Variants in PROK1 observed in about 807,000 individuals in gnomAD.
The protein encoded by PROK1 is prokineticin-1.
Under a neutral mutation model 8.8 loss-of-function variants are expected in PROK1, and 10 were observed. That is an observed-to-expected ratio of 1.13 (90% confidence interval 0.70 to 1.92). The LOEUF is 1.92. PROK1 is among the 30% of genes most tolerant of loss of function. The pLI, the probability that PROK1 is intolerant of heterozygous loss-of-function variation, is 0.00. For synonymous variants in PROK1, 57 were observed against 56.0 expected, an observed-to-expected ratio of 1.02 and a Z score of -0.08; for missense variants, 140 against 139.7, an observed-to-expected ratio of 1.00 and a Z score of -0.01.
Position 110,451,263 on chromosome 1 carries a change from T to C in PROK1, c.47T>C (p.Val16Ala), listed in dbSNP as rs1664085742. 6.2e-7 allele frequency: 1 copy of C among 1,614,070 alleles called. No homozygotes were observed. The highest frequency in any genetic ancestry group is 1.1e-5 in the South Asian group (1 of 91,086). The change falls in exon 1 of 3, where the codon GTG (valine) becomes GCG (alanine). Residue 16 changes from valine (V) to alanine (A), a missense_variant. Physicochemically the swap from Val to Ala is moderately conservative, Grantham distance 64. Coordinates refer to ENST00000271331, the MANE Select transcript of PROK1 (RefSeq NM_032414.3). The stretch of plus-strand genomic sequence containing the variant: ...TCAATCATGCTCCTCCTAGTAACTG[T>C]GTCTGACTGTGCTGTGATCACAGGG... ...RVSIMLLLVT[V>A]SDCAVITGAC...
chr1:110,454,030 C>T lies in PROK1; in HGVS notation c.142C>T (p.Arg48Trp), dbSNP rs62623571. The T allele has an allele frequency of 3.5e-3, 5,607 of 1,614,090 alleles. 130 individuals are homozygous for T. In the African/African-American group the frequency reaches 0.059, roughly 17 times the overall value. Reference sequence around the variant, plus strand: ...CATCAGCCTGTGGCTTCGAGGGCTGCGGATGTGCACCCCGCTGGGGCGGGA... The same window carrying T: ...CATCAGCCTGTGGCTTCGAGGGCTGTGGATGTGCACCCCGCTGGGGCGGGA... ...CAISLWLRGL[R>W]MCTPLGREGE... Residue 48 changes from arginine to tryptophan, a missense_variant, in exon 2 of 3, where the codon CGG (arginine) becomes TGG (tryptophan). By Grantham distance (101) the Arg-to-Trp change is moderately radical. Coordinates refer to ENST00000271331, the MANE Select transcript of PROK1 (RefSeq NM_032414.3).
Position 110,451,231 on chromosome 1 carries a change from G to A in PROK1, c.15G>A (p.Thr5=), listed in dbSNP as rs150575109. 9.5e-5 allele frequency: 153 copies of A among 1,614,150 alleles called. No homozygotes were observed. The highest frequency in any genetic ancestry group is 7.1e-4 in the East Asian group (32 of 44,888). MRGA[T]RVSIMLLLVT... The stretch of plus-strand genomic sequence containing the variant: ...CCCAAGTGACCATGAGAGGTGCCAC[G>A]CGAGTCTCAATCATGCTCCTCCTAG... The change falls in exon 1 of 3, where the codon ACG becomes ACA. Residue 5 remains threonine, a synonymous_variant. Transcript: ENST00000271331.
At chr1:110,454,304 T>A (rs985184350) in intron 2 of PROK1, among the ~76,000 whole-genome samples, 1 of 152,222 alleles carries the variant, frequency 6.6e-6, no homozygotes, top group Non-Finnish European at 1.5e-5. Context: ...CAGAAGGCTA[T>A]GGGGTTGCTG....
At chr1:110,453,509 C>T (rs781066572) in intron 1 of PROK1, among the ~76,000 whole-genome samples, 21 of 152,138 alleles carry the variant, frequency 1.4e-4, no homozygotes, top group Non-Finnish European at 1.9e-4. Context: ...GGACTGACCA[C>T]AGTGCAGAGT....
chr1:110,454,975 T>C (rs1316090655), intron 2 of PROK1, among the ~76,000 whole-genome samples: 1 of 152,148 alleles, frequency 6.6e-6, no homozygotes, highest in African/African-American at 2.4e-5. Context: ...GCTCCTGCCT[T>C]GCTCCCACTC....
At chr1:110,453,863 C>T in intron 1 of PROK1, 98 bp from the exon 2 acceptor site, 1 of 1,527,306 alleles carries the variant, frequency 6.5e-7, no homozygotes, top group Non-Finnish European at 9.1e-7. Flanking sequence ...TCAGCCTCTT[C>T]TTGCTCCATC....
chr1:110,453,204 AG>A lies in PROK1; in HGVS notation c.73-756del, dbSNP rs1664114603. ...GAATGGCAAGTGTGGATGCTTCTTC[AG>A]CAGGTCCCCACCTGAGTCTGGAGCA... is the stretch of plus-strand genomic sequence containing the variant. On this transcript the variant is annotated intron_variant, in intron 1 of 2. Coordinates refer to ENST00000271331, the MANE Select transcript of PROK1 (RefSeq NM_032414.3). 2.6e-5 allele frequency among the ~76,000 whole-genome samples: 4 copies of A among 152,368 alleles called. No homozygotes were observed. In the South Asian group the frequency reaches 8.3e-4, roughly 32 times the overall value.
Position 110,456,376 on chromosome 1 carries a change from C to T in PROK1, c.*25C>T. The T allele has an allele frequency of 5.0e-6, 8 of 1,613,254 alleles. No individual in the cohort carries two copies. Among genetic ancestry groups the T allele is most frequent in the Non-Finnish European group, 5.1e-6 (6 of 1,179,974 alleles). On this transcript the variant is annotated 3_prime_UTR_variant, in exon 3 of 3. Coordinates refer to ENST00000271331, the MANE Select transcript of PROK1 (RefSeq NM_032414.3). ...GGCGCTTGCCTGGTCTCAGGATACC[C>T]ACCATCCTTTTCCTGAGCACAGCCT...
chr1:110,453,366 C>A (rs543034352), intron 1 of PROK1, among the ~76,000 whole-genome samples: 2 of 152,196 alleles, frequency 1.3e-5, no homozygotes, highest in Non-Finnish European at 2.9e-5. Context: ...TCCTGTTCTG[C>A]GATCCTCTCT....
intron 1 of PROK1, among the ~76,000 whole-genome samples, chr1:110,452,130 T>G: frequency 6.6e-6 from 1 of 152,128 alleles, no homozygotes; most frequent in East Asian, 1.9e-4. Flanking sequence ...AAGAAAAAGG[T>G]CGGGGAAGCA....
intron 2 of PROK1, among the ~76,000 whole-genome samples, chr1:110,455,411 C>A (rs1187820558): frequency 6.6e-6 from 1 of 152,220 alleles, no homozygotes; most frequent in Admixed American, 6.5e-5. Flanking sequence ...AATCACAGCC[C>A]CTGTCCAACC....
intron 2 of PROK1, among the ~76,000 whole-genome samples, chr1:110,454,949 G>T (rs964638335): frequency 2.1e-4 from 32 of 152,140 alleles, no homozygotes; most frequent in African/African-American, 7.7e-4. Flanking sequence ...ACTCTCTCTT[G>T]TGGCCTAAGT....
chr1:110,454,645 C>T (rs1664141655), intron 2 of PROK1, among the ~76,000 whole-genome samples: 1 of 152,182 alleles, frequency 6.6e-6, no homozygotes. Context: ...GGAGGGGTGC[C>T]ACTGATCTTA....
rs1210298140 is a variant in PROK1, at chr1:110,456,435, A to G, written c.*84A>G. ...ATTTCTGCCATGAAACCCAGCTCCC[A>G]TGACTCTCCCAGTCCCTACACTGAC... On this transcript the variant is annotated 3_prime_UTR_variant, in exon 3 of 3. Coordinates refer to ENST00000271331, the MANE Select transcript of PROK1 (RefSeq NM_032414.3). 11 of 1,557,908 alleles carry G rather than the reference A, an allele frequency of 7.1e-6. No individual in the cohort carries two copies. The highest frequency in any genetic ancestry group is 8.8e-6 in the Non-Finnish European group (10 of 1,139,342).
chr1:110,456,781 C>A lies in PROK1; in HGVS notation c.*430C>A, dbSNP rs1259287912. 12 of 290,066 alleles carry A rather than the reference C, an allele frequency of 4.1e-5. No homozygotes were observed. Among genetic ancestry groups the A allele is most frequent in the Non-Finnish European group, 8.1e-5 (12 of 147,868 alleles). 18.0% of individuals were successfully genotyped at this position (290,066 alleles called of 1,614,324 possible). A position where few individuals can be genotyped will look rare whatever the true frequency, so the allele number is the denominator to read the frequency against. On this transcript the variant is annotated 3_prime_UTR_variant, in exon 3 of 3. Coordinates refer to ENST00000271331, the MANE Select transcript of PROK1 (RefSeq NM_032414.3). ...CTCAGAGTCCCAGGTCCTGGCCTGA[C>A]CCTCAGGCCCTTCACGTGAGGTCTG... is the stretch of plus-strand genomic sequence containing the variant.
intron 2 of PROK1, among the ~76,000 whole-genome samples, chr1:110,455,933 G>A (rs7513805): frequency 0.025 from 3,874 of 152,244 alleles, 173 homozygotes; most frequent in African/African-American, 0.088. Flanking sequence ...CAATGGACAT[G>A]TGTGTGCGTG....
intron 1 of PROK1, among the ~76,000 whole-genome samples, chr1:110,452,357 A>G (rs1487420281): frequency 2.0e-5 from 3 of 152,384 alleles, no homozygotes; most frequent in South Asian, 4.1e-4. Context: ...AATAAAAATA[A>G]TTGTGAAGGC....
chr1:110,453,114 T>C (rs149846469), intron 1 of PROK1, among the ~76,000 whole-genome samples: 17 of 152,286 alleles, frequency 1.1e-4, no homozygotes, highest in African/African-American at 4.1e-4. Context: ...AGGCTTTTAT[T>C]GGAGAAGAGT....
rs751951334 is a variant in PROK1 at position 110,454,043 on chromosome 1, C to T, written c.155C>T (p.Pro52Leu). The change falls in exon 2 of 3, where the codon CCG becomes CTG. Residue 52 changes from proline (P) to leucine (L), a missense_variant. Pro to Leu is a moderately conservative substitution (Grantham distance 98, BLOSUM62 -3). Transcript: ENST00000271331. ...LWLRGLRMCT[P>L]LGREGEECHP... ...CTTCGAGGGCTGCGGATGTGCACCC[C>T]GCTGGGGCGGGAAGGCGAGGAGTGC... The T allele has an allele frequency of 1.4e-5, 22 of 1,613,942 alleles. No individual in the cohort carries two copies. The highest frequency in any genetic ancestry group is 2.2e-5 in the South Asian group (2 of 91,088).
Sources: allele counts gnomAD v4.1 joint callset (sites outside exome capture counted in the v4.1 genomes callset), GRCh38; gene constraint gnomAD v4.1.1; transcripts MANE v1.5; gene names NCBI Gene and HGNC (gene_info 2026-07-23, HGNC 2026-07-21).